IGF2BP3: variants seen among roughly 807,000 people sequenced by gnomAD.
IGF2BP3 encodes insulin-like growth factor 2 mRNA-binding protein 3.
Under a neutral mutation model 73.8 loss-of-function variants are expected in IGF2BP3, and 9 were observed. The ratio of observed to expected loss-of-function variants is 0.12; its 90% CI spans 0.07 to 0.21. The LOEUF is 0.21. Among genes scored for constraint, IGF2BP3 ranks in the 10% least tolerant of loss-of-function variants. IGF2BP3 has a pLI of 1.00. For synonymous variants in IGF2BP3, 258 were observed against 256.7 expected (o/e 1.01, Z -0.05); for missense variants, 542 against 714.0 (o/e 0.76, Z 2.75).
chr7:23,364,568 A>G (rs1282215850), intron 3 of IGF2BP3, among the ~76,000 whole-genome samples: 2 of 149,294 alleles, frequency 1.3e-5, no homozygotes. Flanking sequence ...AAAAAAAAAA[A>G]AAAGCGGGAG....
At chr7:23,350,456 T>C (rs1315365654) in intron 6 of IGF2BP3, among the ~76,000 whole-genome samples, 2 of 152,198 alleles carry the variant, frequency 1.3e-5, no homozygotes, top group African/African-American at 2.4e-5. Context: ...TCGTAGCACG[T>C]TACGGAGCTA....
In IGF2BP3 at chr7:23,435,788, C is replaced by T. The variant is rs183913276; in HGVS notation, c.237-16964G>A. Among the ~76,000 whole-genome samples the T allele has an allele frequency of 1.6e-3, 245 of 151,624 alleles. 2 individuals carry two copies. The highest frequency in any genetic ancestry group is 5.6e-3 in the African/African-American group (231 of 41,324). On this transcript the variant is annotated intron_variant, in intron 2 of 14. Coordinates refer to ENST00000258729, the MANE Select transcript of IGF2BP3 (RefSeq NM_006547.3). Reference sequence around the variant, plus strand: ...CTTTGTTTGTTTTTTGAGACAGTCTCGCTCTGCAGCCCAGGCTGGAGGGCA... The same window carrying T: ...CTTTGTTTGTTTTTTGAGACAGTCTTGCTCTGCAGCCCAGGCTGGAGGGCA...
At chr7:23,398,149 G>T (rs1015878826) in intron 3 of IGF2BP3, among the ~76,000 whole-genome samples, 1 of 148,604 alleles carries the variant, frequency 6.7e-6, no homozygotes, top group Non-Finnish European at 1.5e-5. Flanking sequence ...ACCTATGAGT[G>T]AGAACATGCA....
At chr7:23,395,931 A>C (rs550948951) in intron 3 of IGF2BP3, among the ~76,000 whole-genome samples, 1 of 152,232 alleles carries the variant, frequency 6.6e-6, no homozygotes, top group East Asian at 1.9e-4. Flanking sequence ...ATCTCAAAAA[A>C]AGAAGAAAAT....
chr7:23,416,440 C>T (rs930247889), intron 3 of IGF2BP3, among the ~76,000 whole-genome samples: 3 of 152,160 alleles, frequency 2.0e-5, no homozygotes, highest in African/African-American at 4.8e-5. Context: ...ATATTTAGGA[C>T]ATGGCTAGTT....
chr7:23,460,201 A>AAAAAC (rs34563888), intron 2 of IGF2BP3, among the ~76,000 whole-genome samples: 12 of 147,030 alleles, frequency 8.2e-5, no homozygotes, highest in South Asian at 2.3e-4. Flanking sequence ...AAAAAACAAA[A>AAAAAC]ACGAAAGTGA....
At chr7:23,441,970 C>CA (rs941965561) in intron 2 of IGF2BP3, among the ~76,000 whole-genome samples, 5 of 151,850 alleles carry the variant, frequency 3.3e-5, no homozygotes, top group African/African-American at 1.2e-4. Flanking sequence ...ACTAAAAATA[C>CA]AAAAAAATTA....
intron 7 of IGF2BP3, 107 bp downstream of exon 7, chr7:23,347,493 A>C: frequency 1.7e-6 from 2 of 1,175,466 alleles, no homozygotes; most frequent in East Asian, 2.3e-5. Context: ...TCATCAGGAT[A>C]TCATTTCCCT....
At chr7:23,369,456 G>A (rs1424428508) in intron 3 of IGF2BP3, among the ~76,000 whole-genome samples, 1 of 152,306 alleles carries the variant, frequency 6.6e-6, no homozygotes, top group Non-Finnish European at 1.5e-5. Context: ...GAACCTGACT[G>A]TCTCCTTGCT....
In IGF2BP3 at chr7:23,426,711, CTT is replaced by C. The variant is rs139256644; in HGVS notation, c.237-7889_237-7888del. Among the ~76,000 whole-genome samples, 3 of 152,262 alleles carry C rather than the reference CTT, an allele frequency of 2.0e-5. No individual in the cohort carries two copies. In the East Asian group the frequency reaches 5.8e-4, roughly 29 times the overall value. On this transcript the variant is annotated intron_variant, in intron 2 of 14. Transcript: ENST00000258729. The stretch of plus-strand genomic sequence containing the variant: ...GATCCAAAGGCTCAACTTGGTTTCT[CTT>C]GTTTCATATTTGAGAGAGGCAATAT...
At chr7:23,373,914 T>C (rs1222517159) in intron 3 of IGF2BP3, among the ~76,000 whole-genome samples, 3 of 152,166 alleles carry the variant, frequency 2.0e-5, no homozygotes, top group Non-Finnish European at 4.4e-5. Context: ...TCCTTTTCTC[T>C]CTTGCTCCCT....
chr7:23,346,136 T>G (rs1784823088), intron 7 of IGF2BP3, 74 bp from the exon 8 acceptor site: 1 of 1,495,940 alleles, frequency 6.7e-7, no homozygotes, highest in South Asian at 1.3e-5. Flanking sequence ...TATTCACTCA[T>G]TAAACATTTA....
At chr7:23,316,906 A>T (rs1468854601) in intron 12 of IGF2BP3, among the ~76,000 whole-genome samples, 3 of 152,202 alleles carry the variant, frequency 2.0e-5, no homozygotes, top group Non-Finnish European at 2.9e-5. Context: ...TGTGTTAGGC[A>T]CTTTTCTAAA....
chr7:23,342,451 C>G (rs1784736326), intron 9 of IGF2BP3, among the ~76,000 whole-genome samples: 1 of 152,128 alleles, frequency 6.6e-6, no homozygotes, highest in Non-Finnish European at 1.5e-5. Flanking sequence ...CTTTCCTTTC[C>G]CTTATGACTA....
chr7:23,316,692 AAAG>A, intron 12 of IGF2BP3, among the ~76,000 whole-genome samples: 1 of 151,434 alleles, frequency 6.6e-6, no homozygotes, highest in Non-Finnish European at 1.5e-5. Flanking sequence ...AAAAAAAAAA[AAAG>A]AGAAAAAAAA....
chr7:23,360,947 A>G (rs116887923), intron 5 of IGF2BP3, among the ~76,000 whole-genome samples: 2,067 of 152,182 alleles, frequency 0.014, 30 homozygotes, highest in Non-Finnish European at 0.017. Context: ...AGTTTATTAG[A>G]TCTTTTCCAG....
At chr7:23,407,270 G>A (rs1472802509) in intron 3 of IGF2BP3, among the ~76,000 whole-genome samples, 4 of 149,014 alleles carry the variant, frequency 2.7e-5, no homozygotes, top group African/African-American at 9.9e-5. Context: ...GAAATAACCT[G>A]AAGAACACTA....
chr7:23,441,935 G>A (rs1204496974), intron 2 of IGF2BP3, among the ~76,000 whole-genome samples: 2 of 152,108 alleles, frequency 1.3e-5, no homozygotes, highest in African/African-American at 4.8e-5. Context: ...GACCAGCCTG[G>A]CCAACAAGGA....
intron 3 of IGF2BP3, among the ~76,000 whole-genome samples, chr7:23,374,664 G>A (rs765339860): frequency 1.1e-4 from 16 of 152,064 alleles, no homozygotes; most frequent in Non-Finnish European, 1.8e-4. Context: ...GTGACAGAGT[G>A]AGACTCTGTC....
Sources: gnomAD v4.1 joint callset for allele counts (sites outside exome capture counted in the v4.1 genomes callset) on GRCh38, gnomAD v4.1.1 for gene constraint, MANE v1.5 for transcripts, NCBI Gene and HGNC (gene_info 2026-07-23, HGNC 2026-07-21) for gene names.